TOX: variants seen among roughly 807,000 people sequenced by gnomAD.
The protein encoded by TOX is thymocyte selection-associated high mobility group box protein TOX.
In TOX, 11 loss-of-function variants were observed where a neutral mutation model predicts 53.7. The observed-to-expected ratio is 0.20, with a 90% CI of 0.13 to 0.34. TOX has a LOEUF of 0.34. TOX is among the 10% of genes least tolerant of loss of function. The pLI is 1.00. For synonymous variants in TOX, 225 were observed against 245.3 expected (o/e 0.92, Z 0.77); for missense variants, 570 against 664.6 (o/e 0.86, Z 1.56).
intron 1 of TOX, among the ~76,000 whole-genome samples, chr8:59,041,241 A>G (rs1803583002): frequency 6.6e-6 from 1 of 151,916 alleles, no homozygotes; most frequent in African/African-American, 2.4e-5. Context: ...GTTGATTTCA[A>G]ATTTCTTAAT....
At chr8:58,907,206 C>G (rs1811830298) in intron 3 of TOX, among the ~76,000 whole-genome samples, 1 of 152,170 alleles carries the variant, frequency 6.6e-6, no homozygotes, top group African/African-American at 2.4e-5. Flanking sequence ...TGAAGTAGGT[C>G]CCCTGGAAAT....
At chr8:58,956,293 T>C (rs1210711509) in intron 2 of TOX, among the ~76,000 whole-genome samples, 1 of 152,154 alleles carries the variant, frequency 6.6e-6, no homozygotes, top group Non-Finnish European at 1.5e-5. Context: ...TATCGGGAGA[T>C]AAGAGAACCC....
chr8:58,892,234 T>C (rs756312854), intron 3 of TOX, among the ~76,000 whole-genome samples: 2 of 152,160 alleles, frequency 1.3e-5, no homozygotes, highest in Non-Finnish European at 2.9e-5. Context: ...CATGCCTTAA[T>C]GCAAAAACAA....
Position 59,040,908 on chromosome 8 carries a change from A to C in TOX, c.102+77978T>G, listed in dbSNP as rs559176514. Among the ~76,000 whole-genome samples, 3 of 152,288 alleles carry C rather than the reference A, an allele frequency of 2.0e-5. No individual in the cohort carries two copies. The East Asian group carries it at 5.8e-4, about 29-fold the overall frequency. On this transcript the variant is annotated intron_variant, in intron 1 of 8. Transcript: ENST00000361421. ...GCTGAAAACAAAACAAAAAACTGTG[A>C]GCAGGACACACCCTTGCTTCAAAGC... is the stretch of plus-strand genomic sequence containing the variant.
intron 7 of TOX, among the ~76,000 whole-genome samples, chr8:58,810,929 T>C (rs1810067096): frequency 6.6e-6 from 1 of 152,108 alleles, no homozygotes; most frequent in Non-Finnish European, 1.5e-5. Flanking sequence ...AGTTTAAGAT[T>C]AAATGAGTGA....
chr8:58,968,291 T>C (rs1812939689), intron 1 of TOX, among the ~76,000 whole-genome samples: 1 of 152,226 alleles, frequency 6.6e-6, no homozygotes, highest in African/African-American at 2.4e-5. Context: ...ACAGGGTGTC[T>C]GATATCAGAA....
At chr8:58,957,809 T>A (rs963263790) in intron 2 of TOX, among the ~76,000 whole-genome samples, 2 of 152,082 alleles carry the variant, frequency 1.3e-5, no homozygotes, top group African/African-American at 4.8e-5. Context: ...AGGAAAAAAC[T>A]ATTTTTTTTT....
intron 1 of TOX, among the ~76,000 whole-genome samples, chr8:59,007,496 T>A (rs1813814263): frequency 6.6e-6 from 1 of 151,852 alleles, no homozygotes; most frequent in South Asian, 2.1e-4. Flanking sequence ...AGAAAAAAAA[T>A]ATGAAGGGAT....
chr8:58,976,110 C>T (rs1813095367), intron 1 of TOX, among the ~76,000 whole-genome samples: 1 of 151,990 alleles, frequency 6.6e-6, no homozygotes, highest in Admixed American at 6.6e-5. Context: ...TCTACTGACT[C>T]TTTCTTCCAT....
At chr8:58,968,314 AG>A (rs1812940366) in intron 1 of TOX, among the ~76,000 whole-genome samples, 1 of 152,230 alleles carries the variant, frequency 6.6e-6, no homozygotes, top group Non-Finnish European at 1.5e-5. Flanking sequence ...TGAGGAGCAA[AG>A]ACTTCGGCTT....
At chr8:59,001,312 C>A (rs564841449) in intron 1 of TOX, among the ~76,000 whole-genome samples, 2 of 152,292 alleles carry the variant, frequency 1.3e-5, no homozygotes, top group African/African-American at 4.8e-5. Flanking sequence ...TTCTAATTTT[C>A]TCCCAATAAT....
chr8:58,932,265 A>C lies in TOX; in HGVS notation c.411+7037T>G, dbSNP rs571970960. Among the ~76,000 whole-genome samples, 310 of 136,048 alleles carry C rather than the reference A, an allele frequency of 2.3e-3. 2 individuals are homozygous for C. The highest frequency in any genetic ancestry group is 3.4e-3 in the Non-Finnish European group (210 of 62,272). 89.3% of individuals were successfully genotyped at this position (136,048 alleles called of 152,430 possible). ...ATTGTTCTTGGGTTCTGCGATATTCAAAAAAGGATAATTTGTGAAAAAAAA... is the reference window on the plus strand; with the variant it reads ...ATTGTTCTTGGGTTCTGCGATATTCCAAAAAGGATAATTTGTGAAAAAAAA... On this transcript the variant is annotated intron_variant, in intron 3 of 8. Transcript: ENST00000361421.
At chr8:59,015,014 G>A (rs972744090) in intron 1 of TOX, among the ~76,000 whole-genome samples, 20 of 152,316 alleles carry the variant, frequency 1.3e-4, no homozygotes, top group Admixed American at 4.6e-4. Context: ...TCAGCTTACT[G>A]TTTAACAGTT....
intron 3 of TOX, among the ~76,000 whole-genome samples, chr8:58,853,916 T>C (rs1810867134): frequency 6.6e-6 from 1 of 152,166 alleles, no homozygotes; most frequent in African/African-American, 2.4e-5. Flanking sequence ...GAAGAGACAG[T>C]GTATACTAAA....
intron 1 of TOX, among the ~76,000 whole-genome samples, chr8:58,980,361 C>T (rs1218019860): frequency 6.6e-6 from 1 of 152,148 alleles, no homozygotes. Context: ...TCTCTCATCG[C>T]CCTGTGGTGG....
intron 1 of TOX, among the ~76,000 whole-genome samples, chr8:59,102,535 C>T (rs1340223442): frequency 6.6e-6 from 1 of 152,030 alleles, no homozygotes; most frequent in Non-Finnish European, 1.5e-5. Context: ...AGTCGAAACT[C>T]CCGTTTTTAA....
chr8:58,851,158 G>GT lies in TOX; in HGVS notation c.693+365dup, dbSNP rs1554524169. 2.5e-5 allele frequency among the ~76,000 whole-genome samples: 3 copies of GT among 118,214 alleles called. No homozygotes were observed. In the South Asian group the frequency reaches 8.6e-4, roughly 34 times the overall value. The allele number at this position is 118,214 out of a possible 152,430, so 77.6% of individuals were successfully genotyped here. ...CACCATACATCTCCTCTCTCTCTCTGTCTCTCTCTCTCTCTCTCTCTCTCT... is the reference window on the plus strand; with the variant it reads ...CACCATACATCTCCTCTCTCTCTCTGTTCTCTCTCTCTCTCTCTCTCTCTCT... On this transcript the variant is annotated intron_variant, in intron 4 of 8. Transcript: ENST00000361421. This position sits in a 1 kb window ranked among gnomAD's most constrained non-coding sequence, Gnocchi z 4.4.
chr8:58,915,886 C>T (rs1463299488), intron 3 of TOX, among the ~76,000 whole-genome samples: 6 of 103,550 alleles, frequency 5.8e-5, no homozygotes, highest in Non-Finnish European at 1.2e-4. Context: ...AACCAAGGCT[C>T]GAGAACTACG....
At chr8:59,014,017 T>C (rs1367136081) in intron 1 of TOX, among the ~76,000 whole-genome samples, 4 of 152,198 alleles carry the variant, frequency 2.6e-5, no homozygotes, top group Non-Finnish European at 5.9e-5. Flanking sequence ...TTCTGTGGAC[T>C]AGACATTTTC....
Sources: allele counts gnomAD v4.1 joint callset (sites outside exome capture counted in the v4.1 genomes callset), GRCh38; gene constraint gnomAD v4.1.1; non-coding constraint Gnocchi (gnomAD v3.1); transcripts MANE v1.5; gene names NCBI Gene and HGNC (gene_info 2026-07-23, HGNC 2026-07-21).